CDC42BPA: variants seen among roughly 807,000 people sequenced by gnomAD.
CDC42BPA encodes the protein serine/threonine-protein kinase MRCK alpha.
A neutral mutation model predicts 223.5 loss-of-function variants in CDC42BPA; 80 were observed. The ratio of observed to expected loss-of-function variants is 0.36; its 90% CI spans 0.30 to 0.43. The LOEUF (loss-of-function observed/expected upper bound fraction) is 0.43, where lower values mean the gene tolerates loss of function less well. Ranked by LOEUF, CDC42BPA falls within the 20% of genes least tolerant of loss-of-function variation. CDC42BPA has a pLI of 1.00. For missense variants in CDC42BPA, 1,743 were observed against 2,099.9 expected (o/e 0.83, Z 3.32); for synonymous variants, 694 against 718.6 (o/e 0.97, Z 0.55).
chr1:227,113,231 T>C (rs376965371), intron 12 of CDC42BPA, among the ~76,000 whole-genome samples: 45 of 152,334 alleles, frequency 3.0e-4, no homozygotes, highest in African/African-American at 1.0e-3. Flanking sequence ...AATAAATATG[T>C]GTGAGGTTGT....
At position 227,295,075 on chromosome 1, in the gene CDC42BPA, A is replaced by G. The variant is rs1572917599; in HGVS notation, c.178+21930T>C. On this transcript the variant is annotated intron_variant, in intron 1 of 36. Transcript: ENST00000366766. ...AAAATTTTTTTCTGCTTTTTAAAAA[A>G]ATGTTGAGGCTACATTTAAGTTAAA... Among the ~76,000 whole-genome samples, 12 of 152,242 alleles carry G rather than the reference A, an allele frequency of 7.9e-5. No individual in the cohort carries two copies. In the South Asian group the frequency reaches 2.5e-3, roughly 32 times the overall value.
intron 4 of CDC42BPA, 65 bp from the exon 5 acceptor site, chr1:227,193,999 T>C: frequency 2.6e-6 from 3 of 1,144,974 alleles, no homozygotes; most frequent in Non-Finnish European, 3.7e-6. Context: ...ATATACTGTA[T>C]CCCAAGGTCA....
chr1:227,032,292 C>T (rs1669426833), intron 27 of CDC42BPA, among the ~76,000 whole-genome samples: 1 of 152,058 alleles, frequency 6.6e-6, no homozygotes, highest in South Asian at 2.1e-4. Flanking sequence ...GATAAGTGGG[C>T]CTCTGTAGGC....
chr1:227,254,222 G>T, intron 1 of CDC42BPA, 67 bp from the exon 2 acceptor site: 1 of 807,740 alleles, frequency 1.2e-6, no homozygotes, highest in Non-Finnish European at 2.0e-6. Context: ...TATAAATAAT[G>T]GTGTTTCTTA....
chr1:227,022,808 CCT>C, intron 32 of CDC42BPA, among the ~76,000 whole-genome samples: 1 of 152,286 alleles, frequency 6.6e-6, no homozygotes, highest in Non-Finnish European at 1.5e-5. Context: ...CCATGACTCT[CCT>C]CTCTTTCCTG....
At chr1:227,029,452 T>C (rs1231473650) in intron 29 of CDC42BPA, among the ~76,000 whole-genome samples, 1 of 152,152 alleles carries the variant, frequency 6.6e-6, no homozygotes, top group Non-Finnish European at 1.5e-5. Context: ...AGTCCTGAGA[T>C]TTCTGGCAGC....
At chr1:227,262,343 C>A (rs1431893538) in intron 1 of CDC42BPA, among the ~76,000 whole-genome samples, 2 of 152,016 alleles carry the variant, frequency 1.3e-5, no homozygotes, top group Non-Finnish European at 2.9e-5. Flanking sequence ...TGATTTACTT[C>A]TCTATGCTGT....
At chr1:227,056,850 A>G (rs936408041) in intron 21 of CDC42BPA, among the ~76,000 whole-genome samples, 26 of 152,270 alleles carry the variant, frequency 1.7e-4, no homozygotes, top group African/African-American at 6.3e-4. Flanking sequence ...CAAAAACAGT[A>G]TTACAGAAGT....
chr1:227,303,040 GA>G (rs1691932970), intron 1 of CDC42BPA, among the ~76,000 whole-genome samples: 1 of 142,522 alleles, frequency 7.0e-6, no homozygotes, highest in African/African-American at 2.6e-5. Flanking sequence ...TGCTTTCCCT[GA>G]AAAGTATGTT....
Position 226,994,827 on chromosome 1 carries a change from C to A in CDC42BPA, c.5129G>T (p.Gly1710Val). The A allele has an allele frequency of 6.2e-7, 1 of 1,609,788 alleles. No homozygotes were observed. Among genetic ancestry groups the A allele is most frequent in the South Asian group, 1.1e-5 (1 of 90,578 alleles). ...GSDAPARDFD[G>V]EDSDSPRHST... ...TCCGGAACCCTGCCCACTCACCTCT[C>A]CGTCAAAGTCCCTCGCTGGGGCATC... The change falls in exon 36 of 37, where the codon GGA (glycine) becomes GTA (valine). Residue 1710 changes from glycine to valine, a missense_variant. Around this residue, in one of 6 missense-constraint regions of CDC42BPA, gnomAD observed 200 missense variants for 192.8 expected, o/e 1.04. Transcript: ENST00000366766. This position sits in a 1 kb window ranked among gnomAD's most constrained non-coding sequence, Gnocchi z 4.0.
Position 227,268,773 on chromosome 1 carries a change from C to T in CDC42BPA, c.179-14618G>A, listed in dbSNP as rs572713408. On this transcript the variant is annotated intron_variant, in intron 1 of 36. Coordinates refer to ENST00000366766, the MANE Select transcript of CDC42BPA (RefSeq NM_001394014.1). Reference sequence around the variant, plus strand: ...TGATCCCGGTTCACTGCAGCCTCAACCTCCTGGGCTGAAACAATCCTTCCA... The same window carrying T: ...TGATCCCGGTTCACTGCAGCCTCAATCTCCTGGGCTGAAACAATCCTTCCA... 2.9e-3 allele frequency among the ~76,000 whole-genome samples: 437 copies of T among 151,468 alleles called. 3 individuals are homozygous for T. Among genetic ancestry groups the T allele is most frequent in the Non-Finnish European group, 3.7e-3 (248 of 67,924 alleles).
intron 5 of CDC42BPA, among the ~76,000 whole-genome samples, chr1:227,161,461 T>C (rs972112064): frequency 3.3e-5 from 5 of 152,180 alleles, no homozygotes; most frequent in African/African-American, 9.7e-5. Flanking sequence ...AAAAATTACA[T>C]TGCCATGTAA....
intron 12 of CDC42BPA, among the ~76,000 whole-genome samples, chr1:227,117,967 G>A (rs758260199): frequency 1.5e-4 from 22 of 151,508 alleles, no homozygotes; most frequent in Non-Finnish European, 3.1e-4. Flanking sequence ...AAGATATTAA[G>A]AAGCATTTCA....
chr1:227,281,392 T>G (rs1185739213), intron 1 of CDC42BPA, among the ~76,000 whole-genome samples: 1 of 152,122 alleles, frequency 6.6e-6, no homozygotes, highest in Non-Finnish European at 1.5e-5. Flanking sequence ...CTAAAGGGAT[T>G]ACCAGGCCCA....
At chr1:227,231,139 C>A in intron 2 of CDC42BPA, among the ~76,000 whole-genome samples, 1 of 108,650 alleles carries the variant, frequency 9.2e-6, no homozygotes. Context: ...TCCTCCCTCC[C>A]CCCACCCCAC....
chr1:226,999,815 T>C (rs1237078319), intron 35 of CDC42BPA, among the ~76,000 whole-genome samples: 2 of 151,850 alleles, frequency 1.3e-5, no homozygotes, highest in African/African-American at 4.8e-5. Flanking sequence ...TGGATGAAGC[T>C]GGAAACAATC....
At chr1:227,200,451 A>AAC (rs1671555515) in intron 3 of CDC42BPA, among the ~76,000 whole-genome samples, 2 of 151,208 alleles carry the variant, frequency 1.3e-5, no homozygotes, top group African/African-American at 4.9e-5. Context: ...CAAACAAAAA[A>AAC]AAAACGAAAG....
At chr1:227,220,282 T>TTA (rs368690606) in intron 2 of CDC42BPA, among the ~76,000 whole-genome samples, 8,000 of 99,672 alleles carry the variant, frequency 0.08, 322 homozygotes, top group South Asian at 0.1. Flanking sequence ...AAAAGTCATG[T>TTA]TATATATATA....
intron 1 of CDC42BPA, among the ~76,000 whole-genome samples, chr1:227,261,178 T>A (rs1684005076): frequency 7.0e-6 from 1 of 141,918 alleles, no homozygotes; most frequent in South Asian, 2.3e-4. Flanking sequence ...TGCAGTGGTG[T>A]GATCTCACCT....
Sources: allele counts gnomAD v4.1 joint callset (sites outside exome capture counted in the v4.1 genomes callset), GRCh38; gene constraint gnomAD v4.1.1; regional missense constraint gnomAD v4.1.1; non-coding constraint Gnocchi (gnomAD v3.1); transcripts MANE v1.5; gene names NCBI Gene and HGNC (gene_info 2026-07-23, HGNC 2026-07-21).